Variants in PLB1 observed in about 807,000 individuals in gnomAD.
PLB1 encodes the protein phospholipase B1.
In PLB1, 242 loss-of-function variants were observed where a neutral mutation model predicts 227.4. That is an observed-to-expected ratio of 1.06 (90% CI 0.96 to 1.18). The LOEUF (loss-of-function observed/expected upper bound fraction) is 1.18. Among genes scored for constraint, PLB1 ranks in the 50% most tolerant of loss-of-function variants. The probability of loss-of-function intolerance (pLI) is 0.00; values close to 1 mark genes in which losing one functional copy is unlikely to be tolerated. For synonymous variants in PLB1, 757 were observed against 682.2 expected (o/e 1.11, Z -1.71); for missense variants, 1,858 against 1,816.3 (o/e 1.02, Z -0.42).
chr2:28,554,329 A>G (rs1674693467), intron 17 of PLB1, among the ~76,000 whole-genome samples: 1 of 151,564 alleles, frequency 6.6e-6, no homozygotes, highest in South Asian at 2.1e-4. Flanking sequence ...AGAGAGAGAG[A>G]GAGAAATTTT....
chr2:28,586,344 A>G (rs1680902380), intron 26 of PLB1, among the ~76,000 whole-genome samples: 1 of 152,206 alleles, frequency 6.6e-6, no homozygotes. Context: ...TGATCTTGGG[A>G]GAGCACAAGG....
At chr2:28,513,015 G>C (rs1044218191) in intron 1 of PLB1, among the ~76,000 whole-genome samples, 5 of 152,120 alleles carry the variant, frequency 3.3e-5, no homozygotes, top group African/African-American at 9.7e-5. Context: ...ACCACCTCTT[G>C]CTGTAACTGG....
intron 5 of PLB1, 48 bp from the exon 6 acceptor site, chr2:28,525,857 G>T (rs778787872): frequency 6.2e-7 from 1 of 1,609,862 alleles, no homozygotes; most frequent in Admixed American, 1.7e-5. Flanking sequence ...GCTATTGGCA[G>T]GTGACACAAA....
intron 3 of PLB1, among the ~76,000 whole-genome samples, 153 bp from the exon 4 acceptor site, chr2:28,519,552 G>A (rs563077843): frequency 6.6e-6 from 1 of 152,330 alleles, no homozygotes; most frequent in South Asian, 2.1e-4. Context: ...GCACTGCCTG[G>A]TCTTTGGCAT....
rs1673979202 is a variant in PLB1 at position 28,550,097 on chromosome 2, T to A, written c.1083+13T>A. 1 of 1,597,176 alleles carries A rather than the reference T, an allele frequency of 6.3e-7. No homozygotes were observed. The highest frequency in any genetic ancestry group is 2.2e-5 in the East Asian group (1 of 44,766). ...AGACAAGCTTGAGGTAAGGAAAGGT[T>A]TTCTGTAATTGACAAACATGCAGAT... On this transcript the variant is annotated intron_variant, in intron 16 of 57. Coordinates refer to ENST00000327757, the MANE Select transcript of PLB1 (RefSeq NM_153021.5).
chr2:28,496,167 A>G lies in PLB1; in HGVS notation c.53A>G (p.Gln18Arg), dbSNP rs777549435. 1.9e-6 allele frequency: 3 copies of G among 1,613,854 alleles called. No individual in the cohort carries two copies. The African/African-American group carries it at 4.0e-5, about 22-fold the overall frequency. Residue 18 changes from glutamine (Q) to arginine (R), a missense_variant and splice_region_variant, in exon 1 of 58, where the codon CAA (glutamine) becomes CGA (arginine). By Grantham distance (43) the Gln-to-Arg change is conservative. Coordinates refer to ENST00000327757, the MANE Select transcript of PLB1 (RefSeq NM_153021.5). Reference protein sequence around the residue: ...FLLELLLLLGQGTPQIHTSPR... With the variant: ...FLLELLLLLGRGTPQIHTSPR... The stretch of plus-strand genomic sequence containing the variant: ...CTGGAGCTGCTGCTGCTTCTGGGGC[A>G]AGGTAAGCGTGCCTTTTGCTCAGAG...
At chr2:28,586,635 G>A (rs1430032741) in intron 26 of PLB1, among the ~76,000 whole-genome samples, 1 of 152,184 alleles carries the variant, frequency 6.6e-6, no homozygotes, top group African/African-American at 2.4e-5. Context: ...GACCTGCCAG[G>A]TATGTCAGGG....
intron 15 of PLB1, 41 bp from the exon 16 acceptor site, chr2:28,549,969 C>T: frequency 6.5e-7 from 1 of 1,547,700 alleles, no homozygotes. Context: ...GGGATACAGA[C>T]TTCTAGGGTC....
intron 5 of PLB1, among the ~76,000 whole-genome samples, chr2:28,525,640 A>G (rs1670142587): frequency 2.6e-5 from 4 of 152,040 alleles, no homozygotes; most frequent in Admixed American, 2.6e-4. Flanking sequence ...GTCTCATTCT[A>G]CCCTGGGGTC....
Position 28,529,331 on chromosome 2 carries a change from A to C in PLB1, c.340A>C (p.Ile114Leu). ...MGVMTVLSDI[I>L]RYFSPSVPMP... ...TCTCTCTTTAGTCCTTTCAGACATC[A>C]TCAGATATTTCAGTCCTTCTGTTCC... The change falls in exon 7 of 58, where the codon ATC becomes CTC. Residue 114 changes from isoleucine (I) to leucine (L), a missense_variant. Ile to Leu is a conservative substitution (Grantham distance 5). Coordinates refer to ENST00000327757, the MANE Select transcript of PLB1 (RefSeq NM_153021.5). 6.2e-7 allele frequency: 1 copy of C among 1,609,842 alleles called. No individual in the cohort carries two copies. The highest frequency in any genetic ancestry group is 1.1e-5 in the South Asian group (1 of 90,980).
intron 45 of PLB1, 49 bp from the exon 46 acceptor site, chr2:28,618,292 G>A (rs948370621): frequency 3.3e-6 from 5 of 1,513,452 alleles, no homozygotes; most frequent in Non-Finnish European, 4.6e-6. Flanking sequence ...TACTTTAAGA[G>A]GTAGATACCC....
intron 23 of PLB1, 106 bp from the exon 24 acceptor site, chr2:28,581,962 A>G: frequency 8.9e-7 from 1 of 1,126,258 alleles, no homozygotes. Flanking sequence ...TCCTATCTCA[A>G]AAAAAGAAAA....
rs778823358 is a variant in PLB1 at position 28,540,434 on chromosome 2, C to T, written c.767C>T (p.Ser256Phe). 2.5e-6 allele frequency: 4 copies of T among 1,613,914 alleles called. No homozygotes were observed. The highest frequency in any genetic ancestry group is 1.7e-5 in the Admixed American group (1 of 60,024). The change falls in exon 12 of 58, where the codon TCT becomes TTT. Residue 256 changes from serine (S) to phenylalanine (F), a missense_variant. Ser to Phe is a radical substitution (Grantham distance 155, BLOSUM62 -2). Coordinates refer to ENST00000327757, the MANE Select transcript of PLB1 (RefSeq NM_153021.5). The part of the protein sequence containing the change: ...TRLAKVVMQW[S>F]YQEAWNSLLA... ...CTGGCCAAGGTGGTGATGCAGTGGT[C>T]TTATCAGGTGAGCCCAACCTGGGAT...
At chr2:28,625,035 C>T (rs756539620) in intron 49 of PLB1, 22 bp from the exon 50 acceptor site, 3 of 1,612,066 alleles carry the variant, frequency 1.9e-6, no homozygotes, top group Non-Finnish European at 2.5e-6. Context: ...CACTAACGCC[C>T]CTCTCTCTAC....
chr2:28,602,002 G>C, intron 38 of PLB1, 38 bp downstream of exon 38: 1 of 1,534,892 alleles, frequency 6.5e-7, no homozygotes, highest in Non-Finnish European at 9.0e-7. Context: ...AACAGCTCAA[G>C]CATGGTGAGG....
At chr2:28,573,010 C>T (rs944531230) in intron 20 of PLB1, among the ~76,000 whole-genome samples, 187 bp from the exon 21 acceptor site, 2 of 152,176 alleles carry the variant, frequency 1.3e-5, no homozygotes, top group East Asian at 1.9e-4. Context: ...AAACATCTGT[C>T]GTGTGCTGCC....
chr2:28,509,537 T>G (rs1312445498), intron 1 of PLB1, among the ~76,000 whole-genome samples: 4 of 152,254 alleles, frequency 2.6e-5, no homozygotes, highest in African/African-American at 9.6e-5. Context: ...TCCATGGTGC[T>G]TTGTTGGTTC....
intron 56 of PLB1, 103 bp from the exon 57 acceptor site, chr2:28,640,824 C>A (rs932177169): frequency 2.5e-6 from 3 of 1,219,750 alleles, no homozygotes; most frequent in Non-Finnish European, 2.3e-6. Flanking sequence ...TTCTATCCCC[C>A]ACCCCGTTCC....
At chr2:28,617,687 A>G (rs1407645921) in intron 44 of PLB1, 40 bp from the exon 45 acceptor site, 4 of 1,597,820 alleles carry the variant, frequency 2.5e-6, no homozygotes, top group East Asian at 2.2e-5. Flanking sequence ...TCCCTGCACA[A>G]TGAGTGTTGG....
Sources: allele counts gnomAD v4.1 joint callset (sites outside exome capture counted in the v4.1 genomes callset), GRCh38; gene constraint gnomAD v4.1.1; transcripts MANE v1.5; gene names NCBI Gene and HGNC (gene_info 2026-07-23, HGNC 2026-07-21).